Variants in SAXO1 observed in about 807,000 individuals in gnomAD.
SAXO1 encodes the protein stabilizer of axonemal microtubules 1.
SAXO1 carries 21 observed loss-of-function variants against 17.5 expected under a neutral mutation model. The observed-to-expected ratio is 1.20, with a 90% CI of 0.85 to 1.72. The LOEUF (loss-of-function observed/expected upper bound fraction) is 1.72. Ranked by LOEUF, SAXO1 falls within the 40% of genes most tolerant of loss-of-function variation. SAXO1 has a pLI of 0.00. For missense variants in SAXO1, 843 were observed against 596.0 expected (o/e 1.41, Z -4.32); for synonymous variants, 274 against 216.5 (o/e 1.27, Z -2.33).
In SAXO1 at chr9:18,928,422, G is replaced by C; in HGVS notation, c.1055C>G (p.Thr352Arg). 2 of 1,609,214 alleles carry C rather than the reference G, an allele frequency of 1.2e-6. No individual in the cohort carries two copies. Among genetic ancestry groups the C allele is most frequent in the Non-Finnish European group, 8.5e-7 (1 of 1,177,200 alleles). ...DDYKQWSSMR[T>R]EPVKPVPQLD... Reference sequence around the variant, plus strand: ...CTGGGGAACGGGCTTGACTGGCTCTGTGCGCATGCTGGACCACTGCTTGTA... The same window carrying C: ...CTGGGGAACGGGCTTGACTGGCTCTCTGCGCATGCTGGACCACTGCTTGTA... Residue 352 changes from threonine (T) to arginine (R), a missense_variant, in exon 4 of 4, where the codon ACA (threonine) becomes AGA (arginine). Thr to Arg is a moderately conservative substitution (Grantham distance 71, BLOSUM62 -1). Coordinates refer to ENST00000380534, the MANE Select transcript of SAXO1 (RefSeq NM_153707.4).
chr9:18,940,292 A>T (rs1235051084), intron 3 of SAXO1, among the ~76,000 whole-genome samples: 1 of 152,248 alleles, frequency 6.6e-6, no homozygotes, highest in Non-Finnish European at 1.5e-5. Context: ...TAACATTCAG[A>T]ATATTAGTCA....
chr9:18,972,694 C>A (rs915764679), intron 1 of SAXO1, among the ~76,000 whole-genome samples: 3 of 152,166 alleles, frequency 2.0e-5, no homozygotes, highest in Non-Finnish European at 4.4e-5. Context: ...CTCTTAGGCT[C>A]TAAGAAGCCC....
chr9:19,024,982 G>A (rs1024593595), intron 1 of SAXO1, among the ~76,000 whole-genome samples: 9 of 152,170 alleles, frequency 5.9e-5, no homozygotes, highest in African/African-American at 2.2e-4. Context: ...GTTTACTGCT[G>A]TAATTGGAAT....
At chr9:19,010,676 T>A (rs552443606) in intron 1 of SAXO1, among the ~76,000 whole-genome samples, 1 of 152,146 alleles carries the variant, frequency 6.6e-6, no homozygotes, top group Non-Finnish European at 1.5e-5. Flanking sequence ...TAGAAGCAAC[T>A]TATTTTAAAA....
At chr9:18,957,367 G>A (rs1832296027) in intron 1 of SAXO1, among the ~76,000 whole-genome samples, 2 of 152,204 alleles carry the variant, frequency 1.3e-5, no homozygotes, top group Non-Finnish European at 2.9e-5. Flanking sequence ...TACCACTTCA[G>A]TATACAGATG....
At chr9:18,996,695 T>TTTC (rs1834016936) in intron 1 of SAXO1, among the ~76,000 whole-genome samples, 1 of 152,108 alleles carries the variant, frequency 6.6e-6, no homozygotes, top group South Asian at 2.1e-4. Flanking sequence ...CGTCATAACA[T>TTTC]GATAAAGGCC....
At chr9:18,958,881 A>G (rs867377496) in intron 1 of SAXO1, among the ~76,000 whole-genome samples, 4 of 152,190 alleles carry the variant, frequency 2.6e-5, no homozygotes, top group Non-Finnish European at 5.9e-5. Context: ...AGGAAGGAAT[A>G]AAAACAAAAC....
At chr9:18,941,091 C>T in intron 3 of SAXO1, among the ~76,000 whole-genome samples, 1 of 152,074 alleles carries the variant, frequency 6.6e-6, no homozygotes, top group African/African-American at 2.4e-5. Context: ...ATGTATGTTA[C>T]ATTTTGATAT....
chr9:18,965,581 T>C (rs1191138994), intron 1 of SAXO1, among the ~76,000 whole-genome samples: 1 of 152,120 alleles, frequency 6.6e-6, no homozygotes, highest in Non-Finnish European at 1.5e-5. Context: ...CTGCTTTTTT[T>C]TTCTTTCCAT....
chr9:18,930,478 A>G (rs1436144171), intron 3 of SAXO1, among the ~76,000 whole-genome samples: 3 of 151,388 alleles, frequency 2.0e-5, no homozygotes, highest in African/African-American at 7.3e-5. Flanking sequence ...CATGTGATTC[A>G]ACTGCCTTGG....
chr9:19,027,391 C>A, intron 1 of SAXO1: 1 of 765,270 alleles, frequency 1.3e-6, no homozygotes, highest in East Asian at 2.4e-5. Flanking sequence ...ACCCACGGAG[C>A]AATACAGTGA....
At chr9:18,987,896 C>CA (rs55775001) in intron 1 of SAXO1, among the ~76,000 whole-genome samples, 70,740 of 136,082 alleles carry the variant, frequency 0.52, 19,296 homozygotes, top group Non-Finnish European at 0.64. Context: ...GACCCTGTCT[C>CA]AAAAAAAAAA....
intron 1 of SAXO1, among the ~76,000 whole-genome samples, chr9:19,006,016 A>G (rs1834469607): frequency 6.6e-6 from 1 of 152,262 alleles, no homozygotes; most frequent in African/African-American, 2.4e-5. Flanking sequence ...AAAGGACATG[A>G]AAAGATTTTC....
intron 1 of SAXO1, among the ~76,000 whole-genome samples, chr9:19,001,660 C>T (rs1244836447): frequency 9.5e-6 from 1 of 105,724 alleles, no homozygotes; most frequent in Non-Finnish European, 2.3e-5. Context: ...AGCAAGACTC[C>T]GTCAAAAAAA....
chr9:18,948,001 C>T (rs1473753841), intron 2 of SAXO1, among the ~76,000 whole-genome samples: 2 of 152,184 alleles, frequency 1.3e-5, no homozygotes. Flanking sequence ...ACCTCAGAAA[C>T]TAAGCAGGGT....
intron 1 of SAXO1, among the ~76,000 whole-genome samples, chr9:19,020,935 A>T (rs4977277): frequency 0.27 from 41,198 of 152,156 alleles, 6,286 homozygotes; most frequent in African/African-American, 0.42. Context: ...ACCTAACCTA[A>T]TATTGTCATC....
At chr9:19,007,572 G>T (rs1009834250) in intron 1 of SAXO1, among the ~76,000 whole-genome samples, 2 of 152,034 alleles carry the variant, frequency 1.3e-5, no homozygotes, top group African/African-American at 4.8e-5. Flanking sequence ...TTTTACCCTA[G>T]GTAACCAACT....
In SAXO1 at chr9:19,008,970, C is replaced by T. The variant is rs563141084; in HGVS notation, c.38+23901G>A. ...AAATTGAAAGCAATTGATCATCTGG[C>T]TAATTGATGGGTCAGTTTAGTCCAA... is the stretch of plus-strand genomic sequence containing the variant. On this transcript the variant is annotated intron_variant, in intron 1 of 3. Transcript: ENST00000380534. Among the ~76,000 whole-genome samples the T allele has an allele frequency of 3.9e-5, 6 of 152,300 alleles. No individual in the cohort carries two copies. The East Asian group carries it at 7.7e-4, about 20-fold the overall frequency.
chr9:18,996,659 AAC>A (rs1834014813), intron 1 of SAXO1, among the ~76,000 whole-genome samples: 1 of 152,204 alleles, frequency 6.6e-6, no homozygotes, highest in Admixed American at 6.5e-5. Flanking sequence ...CGACAAAAAA[AAC>A]ACTCACTAAA....
Sources: gnomAD v4.1 joint callset for allele counts (sites outside exome capture counted in the v4.1 genomes callset) on GRCh38, gnomAD v4.1.1 for gene constraint, MANE v1.5 for transcripts, NCBI Gene and HGNC (gene_info 2026-07-23, HGNC 2026-07-21) for gene names.